The following CDH12 variants were observed in gnomAD, a reference collection of about 807,000 sequenced individuals.
CDH12 encodes the protein cadherin 12, also known as cadherin-12.
CDH12 carries 41 observed loss-of-function variants against 74.1 expected under a neutral mutation model. That is an observed-to-expected ratio of 0.55 (90% CI 0.43 to 0.72). The LOEUF is 0.72. Ranked by LOEUF, CDH12 falls within the 30% of genes least tolerant of loss-of-function variation. CDH12 has a pLI of 0.00. For synonymous variants in CDH12, 399 were observed against 355.0 expected (o/e 1.12, Z -1.39); for missense variants, 945 against 977.2 (o/e 0.97, Z 0.44).
intron 3 of CDH12, among the ~76,000 whole-genome samples, chr5:22,376,373 C>A (rs1355332448): frequency 6.6e-6 from 1 of 151,926 alleles, no homozygotes; most frequent in Non-Finnish European, 1.5e-5. Flanking sequence ...AAAAAAAAAG[C>A]CCAATATTCC....
intron 3 of CDH12, among the ~76,000 whole-genome samples, chr5:22,216,459 C>T (rs34002538): frequency 0.011 from 1,667 of 152,054 alleles, 27 homozygotes; most frequent in African/African-American, 0.039. Flanking sequence ...TACCTCCCTA[C>T]CACTGTTTGT....
At chr5:21,891,441 A>T (rs1399019982) in intron 6 of CDH12, among the ~76,000 whole-genome samples, 2 of 152,100 alleles carry the variant, frequency 1.3e-5, no homozygotes, top group Non-Finnish European at 2.9e-5. Context: ...CATTACAGAG[A>T]TGACAAAAAC....
intron 1 of CDH12, among the ~76,000 whole-genome samples, chr5:22,672,759 A>T (rs1346888440): frequency 6.6e-6 from 1 of 152,214 alleles, no homozygotes; most frequent in Non-Finnish European, 1.5e-5. Context: ...AATGGAAATG[A>T]TCCAATCAAA....
chr5:22,088,357 A>C (rs528967898), intron 4 of CDH12, among the ~76,000 whole-genome samples: 1 of 152,194 alleles, frequency 6.6e-6, no homozygotes, highest in African/African-American at 2.4e-5. Flanking sequence ...AGCCCCTCTC[A>C]GAGGATAAAA....
At chr5:21,823,596 C>T (rs1463510361) in intron 8 of CDH12, among the ~76,000 whole-genome samples, 4 of 151,954 alleles carry the variant, frequency 2.6e-5, no homozygotes, top group African/African-American at 7.3e-5. Flanking sequence ...ACTTTGAATG[C>T]CCCTTCAAAA....
In CDH12 at chr5:22,154,443, ACACATATATATG is replaced by A. The variant is rs1561169681; in HGVS notation, c.-187+58043_-187+58054del. 4.8e-5 allele frequency among the ~76,000 whole-genome samples: 7 copies of A among 145,028 alleles called. 1 individual carries two copies. In the South Asian group the frequency reaches 6.6e-4, roughly 14 times the overall value. Reference sequence around the variant, plus strand: ...ACATATACATATATAGTGAATATATACACATATATATGTACACATATATATGTACACATATAT... The same window carrying A: ...ACATATACATATATAGTGAATATATATACACATATATATGTACACATATAT... On this transcript the variant is annotated intron_variant, in intron 4 of 14. Coordinates refer to ENST00000382254, the MANE Select transcript of CDH12 (RefSeq NM_004061.5).
intron 10 of CDH12, among the ~76,000 whole-genome samples, chr5:21,785,482 T>G (rs561402858): frequency 9.9e-5 from 15 of 152,276 alleles, no homozygotes; most frequent in African/African-American, 3.6e-4. Context: ...ACAGCCAAGT[T>G]GTGAATGCAA....
At chr5:22,074,893 T>A (rs903517472) in intron 5 of CDH12, among the ~76,000 whole-genome samples, 1 of 151,984 alleles carries the variant, frequency 6.6e-6, no homozygotes, top group African/African-American at 2.4e-5. Context: ...ATTGTGGAAG[T>A]CAGTGTGGCA....
In CDH12 at chr5:22,775,985, G is replaced by A. The variant is rs550311658; in HGVS notation, c.-523+77073C>T. Among the ~76,000 whole-genome samples the A allele has an allele frequency of 6.6e-5, 10 of 152,114 alleles. No individual in the cohort carries two copies. In the East Asian group the frequency reaches 1.9e-3, roughly 30 times the overall value. ...GCCTCTTCCTCATTTTTCTCTTGCT[G>A]CCACCATGTAAGAAGTGCCTTTTGC... On this transcript the variant is annotated intron_variant, in intron 1 of 14. Coordinates refer to ENST00000382254, the MANE Select transcript of CDH12 (RefSeq NM_004061.5).
chr5:22,690,641 G>T (rs1364261596), intron 1 of CDH12, among the ~76,000 whole-genome samples: 2 of 152,080 alleles, frequency 1.3e-5, no homozygotes, highest in Admixed American at 6.6e-5. Flanking sequence ...TACAATGATA[G>T]ACATTCTGAT....
intron 3 of CDH12, among the ~76,000 whole-genome samples, chr5:22,331,922 A>G (rs191414764): frequency 6.6e-6 from 1 of 152,340 alleles, no homozygotes; most frequent in East Asian, 1.9e-4. Context: ...AAGAAGAAAT[A>G]ATTAGTGAGC....
chr5:22,805,994 C>T (rs1020793089), intron 1 of CDH12, among the ~76,000 whole-genome samples: 2 of 152,200 alleles, frequency 1.3e-5, no homozygotes, highest in Admixed American at 1.3e-4. Flanking sequence ...GAACTCATCC[C>T]GTTTTATGGC....
chr5:22,770,001 T>C (rs1442473), intron 1 of CDH12, among the ~76,000 whole-genome samples: 126,956 of 151,750 alleles, frequency 0.84, 53,366 homozygotes, highest in East Asian at 0.99. Context: ...TTTTACAATA[T>C]GGTTCATATA....
rs7708208 is a variant in CDH12 at position 22,304,245 on chromosome 5, G to A, written c.-332-91602C>T. On this transcript the variant is annotated intron_variant, in intron 3 of 14. Transcript: ENST00000382254. ...TAGAAACCAAGGCATAAACCAAGAC[G>A]CATGGTCACCTTGGCTACAGGTTAC... is the stretch of plus-strand genomic sequence containing the variant. 3.3e-5 allele frequency among the ~76,000 whole-genome samples: 5 copies of A among 152,026 alleles called. No individual in the cohort carries two copies. In the South Asian group the frequency reaches 6.2e-4, roughly 19 times the overall value.
In CDH12 at chr5:21,783,491, G is replaced by T; in HGVS notation, c.1260C>A (p.Tyr420Ter). Residue 420 changes from tyrosine (Y) to a stop codon, truncating the protein, a stop_gained, in exon 11 of 15, where the codon TAC becomes TAA. Coordinates refer to ENST00000382254, the MANE Select transcript of CDH12 (RefSeq NM_004061.5). LOFTEE classifies it high-confidence loss of function. ...DLDVGSSAVR[Y>*]FIDWKSDGDS... The stretch of plus-strand genomic sequence containing the variant: ...CCCCATCACTCTTCCAATCTATGAA[G>T]TACCTGTATATGAAAAGAGTAGATG... 6.2e-7 allele frequency: 1 copy of T among 1,603,526 alleles called. No individual in the cohort carries two copies. The highest frequency in any genetic ancestry group is 8.5e-7 in the Non-Finnish European group (1 of 1,171,076).
At chr5:22,159,960 T>C (rs1245115103) in intron 4 of CDH12, among the ~76,000 whole-genome samples, 1 of 152,206 alleles carries the variant, frequency 6.6e-6, no homozygotes, top group Non-Finnish European at 1.5e-5. Context: ...TGTGTATGAT[T>C]CTTTAAGGTA....
At chr5:22,048,818 A>G (rs963643797) in intron 5 of CDH12, among the ~76,000 whole-genome samples, 5 of 152,178 alleles carry the variant, frequency 3.3e-5, no homozygotes, top group Non-Finnish European at 5.9e-5. Context: ...ATTTGCAGAC[A>G]GAGTTAGTAA....
Position 21,791,038 on chromosome 5 carries a change from A to G in CDH12, c.1257-7544T>C, listed in dbSNP as rs542881891. On this transcript the variant is annotated intron_variant, in intron 10 of 14. Transcript: ENST00000382254. ...CTCCTTTCTCTGCATGATACCCTCCAACAAAGCTTTATATCTTCTGGAATA... is the reference window on the plus strand; with the variant it reads ...CTCCTTTCTCTGCATGATACCCTCCGACAAAGCTTTATATCTTCTGGAATA... Among the ~76,000 whole-genome samples the G allele has an allele frequency of 9.9e-5, 15 of 152,058 alleles. No homozygotes were observed. In the East Asian group the frequency reaches 2.1e-3, roughly 22 times the overall value.
At chr5:22,205,882 C>T (rs979485539) in intron 4 of CDH12, among the ~76,000 whole-genome samples, 3 of 152,038 alleles carry the variant, frequency 2.0e-5, no homozygotes, top group East Asian at 1.9e-4. Flanking sequence ...AATATGTCAG[C>T]GATACTTACC....
Sources: gnomAD v4.1 joint callset for allele counts (sites outside exome capture counted in the v4.1 genomes callset) on GRCh38, gnomAD v4.1.1 for gene constraint, MANE v1.5 for transcripts, NCBI Gene and HGNC (gene_info 2026-07-23, HGNC 2026-07-21) for gene names.